Variants in CHN2 observed in about 807,000 individuals in gnomAD.
CHN2 encodes the protein beta-chimaerin.
Under a neutral mutation model 56.3 loss-of-function variants are expected in CHN2, and 35 were observed. The observed-to-expected ratio is 0.62, with a 90% confidence interval of 0.47 to 0.82. CHN2 has a LOEUF of 0.82. Ranked by LOEUF, CHN2 falls within the 40% of genes least tolerant of loss-of-function variation. The pLI is 0.00. For missense variants in CHN2, 491 were observed against 580.5 expected (o/e 0.85, Z 1.58); for synonymous variants, 210 against 212.8 (o/e 0.99, Z 0.12).
chr7:29,371,844 G>T (rs763602987), intron 3 of CHN2, among the ~76,000 whole-genome samples: 2 of 151,832 alleles, frequency 1.3e-5, no homozygotes, highest in Non-Finnish European at 2.9e-5. Context: ...AATATATCTC[G>T]CATTGTCCAC....
intron 1 of CHN2, among the ~76,000 whole-genome samples, chr7:29,301,678 G>A (rs1793677431): frequency 6.6e-6 from 1 of 151,994 alleles, no homozygotes; most frequent in Non-Finnish European, 1.5e-5. Context: ...CTCATCTATG[G>A]CATATGAATT....
At chr7:29,189,097 C>T (rs1245880385) in intron 2 of CHN2, among the ~76,000 whole-genome samples, 1 of 151,866 alleles carries the variant, frequency 6.6e-6, no homozygotes, top group African/African-American at 2.4e-5. Context: ...ATTACAGGCG[C>T]ACACCATCAC....
Position 29,406,277 on chromosome 7 carries a change from AGAG to A in CHN2, c.576+5456_576+5458del, listed in dbSNP as rs938143739. On this transcript the variant is annotated intron_variant, in intron 6 of 12. Coordinates refer to ENST00000222792, the MANE Select transcript of CHN2 (RefSeq NM_004067.4). The stretch of plus-strand genomic sequence containing the variant: ...AGGAGGAGAAGCTGGGCAGGTAAAT[AGAG>A]GAGGAGAGAGGCTGGTATATGCACG... Among the ~76,000 whole-genome samples the A allele has an allele frequency of 1.2e-4, 18 of 152,290 alleles. 1 individual carries two copies. The highest frequency in any genetic ancestry group is 4.1e-4 in the African/African-American group (17 of 41,572).
intron 1 of CHN2, among the ~76,000 whole-genome samples, chr7:29,337,064 G>A (rs758904801): frequency 1.1e-4 from 17 of 152,032 alleles, no homozygotes; most frequent in Non-Finnish European, 2.1e-4. Flanking sequence ...TCTAGGATTG[G>A]GTGCTGCTTC....
chr7:29,322,491 A>C (rs1266161760), intron 1 of CHN2, among the ~76,000 whole-genome samples: 2 of 151,704 alleles, frequency 1.3e-5, no homozygotes, highest in Non-Finnish European at 2.9e-5. Context: ...TCCTCTTCCT[A>C]CTCCTCCTCC....
intron 6 of CHN2, among the ~76,000 whole-genome samples, chr7:29,438,328 CTTA>C (rs1179904853): frequency 6.6e-6 from 1 of 152,202 alleles, no homozygotes; most frequent in Non-Finnish European, 1.5e-5. Flanking sequence ...ACACTAGAAT[CTTA>C]TTATTTGGCA....
chr7:29,299,387 GC>G (rs1793462430), intron 1 of CHN2, among the ~76,000 whole-genome samples: 1 of 152,178 alleles, frequency 6.6e-6, no homozygotes, highest in Non-Finnish European at 1.5e-5. Context: ...GACCCCATAG[GC>G]AGTGCTGTCT....
chr7:29,257,609 C>A (rs544508213), intron 1 of CHN2, among the ~76,000 whole-genome samples: 1 of 152,156 alleles, frequency 6.6e-6, no homozygotes, highest in African/African-American at 2.4e-5. Flanking sequence ...CTTCTTTTTA[C>A]ACATGAGGAA....
intron 1 of CHN2, among the ~76,000 whole-genome samples, chr7:29,257,549 G>A (rs80162530): frequency 0.031 from 4,764 of 152,084 alleles, 262 homozygotes; most frequent in African/African-American, 0.11. Context: ...TAATCTCTTG[G>A]GCCCTGGAGA....
chr7:29,326,218 C>G (rs375020197), intron 1 of CHN2, among the ~76,000 whole-genome samples: 1 of 152,046 alleles, frequency 6.6e-6, no homozygotes, highest in African/African-American at 2.4e-5. Context: ...AGTGCAGTGG[C>G]GCAATCTCGA....
chr7:29,195,643 TGTGTGTGAGAGA>T (rs1343923373), intron 1 of CHN2, among the ~76,000 whole-genome samples: 26 of 120,994 alleles, frequency 2.1e-4, no homozygotes, highest in African/African-American at 8.0e-4. Context: ...TGTGTGTGTG[TGTGTGTGAGAGA>T]GAGAGAGAGA....
At chr7:29,230,450 C>T (rs1786585265) in intron 1 of CHN2, among the ~76,000 whole-genome samples, 1 of 152,164 alleles carries the variant, frequency 6.6e-6, no homozygotes, top group East Asian at 1.9e-4. Flanking sequence ...AAGTGATTCT[C>T]ATGCCTCAGC....
intron 6 of CHN2, among the ~76,000 whole-genome samples, chr7:29,437,324 C>T (rs886431085): frequency 1.2e-5 from 1 of 84,668 alleles, no homozygotes; most frequent in African/African-American, 7.4e-5. Flanking sequence ...ACCGGCTGGG[C>T]GCGGTGGCTC....
intron 6 of CHN2, among the ~76,000 whole-genome samples, chr7:29,419,601 C>A (rs960306779): frequency 6.6e-6 from 1 of 151,990 alleles, no homozygotes; most frequent in Non-Finnish European, 1.5e-5. Flanking sequence ...GGTTTAATAT[C>A]CATAATGTAT....
chr7:29,405,708 T>C (rs1008016318), intron 6 of CHN2, among the ~76,000 whole-genome samples: 7 of 152,350 alleles, frequency 4.6e-5, no homozygotes, highest in African/African-American at 1.7e-4. Context: ...ACAGATGAAC[T>C]GTTTCATCAG....
chr7:29,460,642 T>C (rs1369595555), intron 6 of CHN2, among the ~76,000 whole-genome samples: 1 of 152,230 alleles, frequency 6.6e-6, no homozygotes, highest in Admixed American at 6.5e-5. Flanking sequence ...CTGATTTGGC[T>C]TCAGGACCTT....
At chr7:29,479,978 CG>C in intron 6 of CHN2, 1 of 1,464,958 alleles carries the variant, frequency 6.8e-7, no homozygotes, top group Non-Finnish European at 9.0e-7. Context: ...GGTCACATGC[CG>C]GAGGCTGCTG....
At chr7:29,372,381 C>A (rs1799688298) in intron 3 of CHN2, among the ~76,000 whole-genome samples, 1 of 152,116 alleles carries the variant, frequency 6.6e-6, no homozygotes. Flanking sequence ...ACCTCCCCAA[C>A]CCTTGGAGCG....
At chr7:29,248,499 T>C (rs1305013273) in intron 1 of CHN2, among the ~76,000 whole-genome samples, 1 of 152,188 alleles carries the variant, frequency 6.6e-6, no homozygotes, top group Non-Finnish European at 1.5e-5. Context: ...TGCTGATGAA[T>C]TCCCTGCCTG....
Sources: gnomAD v4.1 joint callset for allele counts (sites outside exome capture counted in the v4.1 genomes callset) on GRCh38, gnomAD v4.1.1 for gene constraint, MANE v1.5 for transcripts, NCBI Gene and HGNC (gene_info 2026-07-23, HGNC 2026-07-21) for gene names.